Variants in ANKS1B observed in about 807,000 individuals in gnomAD.
The protein encoded by ANKS1B is ankyrin repeat and sterile alpha motif domain-containing protein 1B.
In ANKS1B, 36 loss-of-function variants were observed where a neutral mutation model predicts 148.3. The ratio of observed to expected loss-of-function variants is 0.24; its 90% CI spans 0.19 to 0.32. The LOEUF (loss-of-function observed/expected upper bound fraction) is 0.32. Ranked by LOEUF, ANKS1B falls within the 10% of genes least tolerant of loss-of-function variation. The pLI is 1.00. For synonymous variants in ANKS1B, 542 were observed against 560.8 expected (o/e 0.97, Z 0.47); for missense variants, 1,157 against 1,542.6 (o/e 0.75, Z 4.19).
At chr12:99,874,019 TC>T (rs2091824588) in intron 1 of ANKS1B, among the ~76,000 whole-genome samples, 1 of 136,486 alleles carries the variant, frequency 7.3e-6, no homozygotes, top group African/African-American at 3.6e-5. Context: ...TCTCTCTCTC[TC>T]ACATATATAT....
At chr12:99,857,620 T>C (rs752581053) in intron 1 of ANKS1B, among the ~76,000 whole-genome samples, 1 of 152,122 alleles carries the variant, frequency 6.6e-6, no homozygotes, top group Non-Finnish European at 1.5e-5. Context: ...GGCATCACAT[T>C]ACCCAACCTC....
intron 17 of ANKS1B, among the ~76,000 whole-genome samples, chr12:99,007,970 GC>G (rs955414591): frequency 1.5e-4 from 22 of 151,094 alleles, no homozygotes; most frequent in Non-Finnish European, 2.8e-4. Flanking sequence ...AGCTGTCCAA[GC>G]CCCCCCACCC....
chr12:99,320,219 C>CT (rs1321713188), intron 12 of ANKS1B, among the ~76,000 whole-genome samples: 1 of 152,104 alleles, frequency 6.6e-6, no homozygotes, highest in African/African-American at 2.4e-5. Flanking sequence ...TCTGTATCTC[C>CT]TGAATTTGAA....
At chr12:99,004,615 G>T (rs145293938) in intron 17 of ANKS1B, among the ~76,000 whole-genome samples, 7 of 152,032 alleles carry the variant, frequency 4.6e-5, no homozygotes, top group African/African-American at 1.7e-4. Flanking sequence ...ATGAGAGGAA[G>T]GTGGGGTGCG....
chr12:99,210,972 T>C (rs2083272339), intron 14 of ANKS1B, among the ~76,000 whole-genome samples: 1 of 152,214 alleles, frequency 6.6e-6, no homozygotes, highest in African/African-American at 2.4e-5. Flanking sequence ...TCAGTCGGTG[T>C]ATAACACTAA....
chr12:99,730,595 C>T (rs995326641), intron 8 of ANKS1B, among the ~76,000 whole-genome samples: 2 of 152,140 alleles, frequency 1.3e-5, no homozygotes, highest in Non-Finnish European at 2.9e-5. Flanking sequence ...AACTCTACTT[C>T]AGAACTTAGC....
chr12:98,987,036 CT>C (rs1243806213), intron 17 of ANKS1B, among the ~76,000 whole-genome samples: 2 of 151,554 alleles, frequency 1.3e-5, no homozygotes, highest in African/African-American at 4.8e-5. Flanking sequence ...TAATTTTGTT[CT>C]TGCTTTTTGG....
At chr12:99,885,174 A>C (rs900352285) in intron 1 of ANKS1B, among the ~76,000 whole-genome samples, 2 of 151,994 alleles carry the variant, frequency 1.3e-5, no homozygotes, top group African/African-American at 4.8e-5. Flanking sequence ...TGCTTGGCTA[A>C]ATGCTATTTG....
At chr12:99,481,487 G>C (rs969196610) in intron 10 of ANKS1B, among the ~76,000 whole-genome samples, 1 of 151,866 alleles carries the variant, frequency 6.6e-6, no homozygotes, top group African/African-American at 2.4e-5. Flanking sequence ...ATTGTGAATT[G>C]TGCTGCTATA....
At chr12:99,510,574 G>A (rs1396719557) in intron 9 of ANKS1B, among the ~76,000 whole-genome samples, 1 of 152,020 alleles carries the variant, frequency 6.6e-6, no homozygotes. Context: ...AACTTGAATG[G>A]ATGAGGAGTT....
At chr12:99,385,256 G>T (rs1214182700) in intron 12 of ANKS1B, among the ~76,000 whole-genome samples, 1 of 152,164 alleles carries the variant, frequency 6.6e-6, no homozygotes, top group East Asian at 1.9e-4. Context: ...ATCATTTGAA[G>T]TCAGGAGTTC....
intron 25 of ANKS1B, among the ~76,000 whole-genome samples, chr12:98,769,940 T>C (rs2153470439): frequency 6.6e-6 from 1 of 152,360 alleles, no homozygotes; most frequent in African/African-American, 2.4e-5. Flanking sequence ...TGTTTATTTA[T>C]TGCTTTCACT....
intron 14 of ANKS1B, among the ~76,000 whole-genome samples, chr12:99,227,312 ATGATTGTAAGCTTTC>A (rs2086103744): frequency 6.6e-6 from 1 of 152,138 alleles, no homozygotes; most frequent in Non-Finnish European, 1.5e-5. Context: ...ACCCTCTACC[ATGATTGTAAGCTTTC>A]TGAGGCTTCC....
At chr12:99,553,423 C>A (rs2097243755) in intron 9 of ANKS1B, among the ~76,000 whole-genome samples, 1 of 152,130 alleles carries the variant, frequency 6.6e-6, no homozygotes, top group African/African-American at 2.4e-5. Flanking sequence ...ATTATTAATA[C>A]TGTTGCTATG....
At chr12:99,547,337 G>C (rs529276269) in intron 9 of ANKS1B, among the ~76,000 whole-genome samples, 1 of 151,952 alleles carries the variant, frequency 6.6e-6, no homozygotes, top group African/African-American at 2.4e-5. Flanking sequence ...TTTTATTTTG[G>C]TATAAAATAT....
intron 1 of ANKS1B, among the ~76,000 whole-genome samples, chr12:99,914,536 T>A (rs1000004655): frequency 6.6e-6 from 1 of 152,104 alleles, no homozygotes; most frequent in African/African-American, 2.4e-5. Flanking sequence ...TCAGAAAAAC[T>A]CCATGTCAGT....
intron 8 of ANKS1B, among the ~76,000 whole-genome samples, chr12:99,716,832 A>T (rs1233186560): frequency 6.6e-6 from 1 of 151,292 alleles, no homozygotes; most frequent in Admixed American, 6.6e-5. Context: ...GACCCATCTG[A>T]CCTCTCCCCT....
intron 9 of ANKS1B, among the ~76,000 whole-genome samples, chr12:99,639,921 C>T (rs2098284096): frequency 6.6e-6 from 1 of 152,148 alleles, no homozygotes; most frequent in Non-Finnish European, 1.5e-5. Flanking sequence ...TCTGTAATCC[C>T]AGCACTTTGG....
At chr12:99,758,029 C>A (rs1418157107) in intron 8 of ANKS1B, among the ~76,000 whole-genome samples, 4 of 151,890 alleles carry the variant, frequency 2.6e-5, no homozygotes, top group Non-Finnish European at 4.4e-5. Flanking sequence ...ATACAACAAA[C>A]CCCCATGGCA....
Sources: gnomAD v4.1 joint callset for allele counts (sites outside exome capture counted in the v4.1 genomes callset) on GRCh38, gnomAD v4.1.1 for gene constraint, MANE v1.5 for transcripts, NCBI Gene and HGNC (gene_info 2026-07-23, HGNC 2026-07-21) for gene names.